The following EYA3 variants were observed in gnomAD, a reference collection of about 807,000 sequenced individuals.
EYA3 encodes the protein protein phosphatase EYA3.
A neutral mutation model predicts 80.0 loss-of-function variants in EYA3; 39 were observed. The ratio of observed to expected loss-of-function variants is 0.49; its 90% confidence interval spans 0.38 to 0.64. The LOEUF (loss-of-function observed/expected upper bound fraction) is 0.64. Ranked by LOEUF, EYA3 falls within the 30% of genes least tolerant of loss-of-function variation. EYA3 has a pLI of 0.00. For synonymous variants in EYA3, 206 were observed against 232.8 expected (o/e 0.88, Z 1.05); for missense variants, 523 against 676.1 (o/e 0.77, Z 2.51).
At chr1:28,061,104 C>T (rs1326843278) in intron 1 of EYA3, among the ~76,000 whole-genome samples, 1 of 152,118 alleles carries the variant, frequency 6.6e-6, no homozygotes, top group Non-Finnish European at 1.5e-5. Context: ...CATTTTAAAA[C>T]AAAAAGCTGC....
At chr1:28,003,514 C>G (rs1418668758) in intron 11 of EYA3, among the ~76,000 whole-genome samples, 4 of 151,334 alleles carry the variant, frequency 2.6e-5, no homozygotes, top group Non-Finnish European at 5.9e-5. Flanking sequence ...CCCACACCTA[C>G]TAACAAAAAC....
At chr1:28,016,484 G>A (rs906873262) in intron 8 of EYA3, among the ~76,000 whole-genome samples, 5 of 147,612 alleles carry the variant, frequency 3.4e-5, no homozygotes, top group South Asian at 4.2e-4. Flanking sequence ...AGCCAAGATC[G>A]CACCACTGTA....
At chr1:28,073,125 ATATT>A (rs1373019881) in intron 1 of EYA3, among the ~76,000 whole-genome samples, 6 of 32,592 alleles carry the variant, frequency 1.8e-4, no homozygotes, top group African/African-American at 4.7e-4. Flanking sequence ...ATATATATAT[ATATT>A]TTTTTTTTTT....
At chr1:28,026,323 G>C (rs768664250) in intron 7 of EYA3, among the ~76,000 whole-genome samples, 2 of 152,166 alleles carry the variant, frequency 1.3e-5, no homozygotes, top group Non-Finnish European at 2.9e-5. Context: ...TATCAACATA[G>C]AGAAATACTA....
chr1:28,061,341 T>C (rs1335604976), intron 1 of EYA3, among the ~76,000 whole-genome samples: 1 of 152,214 alleles, frequency 6.6e-6, no homozygotes, highest in Non-Finnish European at 1.5e-5. Flanking sequence ...TATCAGAACA[T>C]ACTAAATATA....
intron 8 of EYA3, among the ~76,000 whole-genome samples, chr1:28,014,815 T>C (rs529732180): frequency 1.3e-5 from 2 of 152,236 alleles, no homozygotes; most frequent in African/African-American, 2.4e-5. Flanking sequence ...AACTGTACAA[T>C]TTAAATCTGT....
intron 7 of EYA3, 69 bp downstream of exon 7, chr1:28,027,720 T>C: frequency 6.3e-7 from 1 of 1,593,040 alleles, no homozygotes; most frequent in Admixed American, 1.7e-5. Flanking sequence ...TGTTTGGAGA[T>C]ACAGGTAGAT....
chr1:28,014,761 T>C (rs1244574721), intron 8 of EYA3, among the ~76,000 whole-genome samples: 2 of 151,686 alleles, frequency 1.3e-5, no homozygotes, highest in East Asian at 3.9e-4. Flanking sequence ...AATATTGGGA[T>C]AAAACTTTTG....
In EYA3 at chr1:28,005,474, G is replaced by C. The variant is rs114781195; in HGVS notation, c.910-1055C>G. Among the ~76,000 whole-genome samples the C allele has an allele frequency of 3.0e-3, 452 of 152,310 alleles. 6 individuals carry two copies. The highest frequency in any genetic ancestry group is 0.01 in the African/African-American group (426 of 41,548). ...CACACCTGTAAACCTAGCACTGTGA[G>C]AGCCTGAAGCAGGCAGATCGCTTGA... On this transcript the variant is annotated intron_variant, in intron 10 of 17. Coordinates refer to ENST00000373871, the MANE Select transcript of EYA3 (RefSeq NM_001990.4).
intron 2 of EYA3, among the ~76,000 whole-genome samples, chr1:28,052,267 T>C (rs958543662): frequency 6.6e-6 from 1 of 152,030 alleles, no homozygotes; most frequent in Non-Finnish European, 1.5e-5. Context: ...GCCTCCCAAA[T>C]TGCTGGGATT....
At chr1:28,020,967 T>C (rs139189550) in intron 7 of EYA3, among the ~76,000 whole-genome samples, 1 of 152,196 alleles carries the variant, frequency 6.6e-6, no homozygotes, top group Non-Finnish European at 1.5e-5. Context: ...CCCCACTAGA[T>C]GTCCGCTTAA....
At position 28,017,227 on chromosome 1, in the gene EYA3, T is replaced by C. The variant is rs928428051; in HGVS notation, c.512A>G (p.Asn171Ser). The change falls in exon 8 of 18, where the codon AAT (asparagine) becomes AGT (serine). Residue 171 changes from asparagine to serine, a missense_variant. Asn to Ser is a conservative substitution (Grantham distance 46). Around this residue, in one of 2 missense-constraint regions of EYA3, gnomAD observed 304 missense variants for 343.3 expected, o/e 0.89. Coordinates refer to ENST00000373871, the MANE Select transcript of EYA3 (RefSeq NM_001990.4). The stretch of plus-strand genomic sequence containing the variant: ...AGAAGAAGTAGATATCAGGCTGGCA[T>C]TTGTGCTTGAAGCTAGAGGATTGAT... ...YSYPIQASSTNASLISTSSTI... is the reference protein window; with the variant it reads ...YSYPIQASSTSASLISTSSTI... 3 of 1,613,572 alleles carry C rather than the reference T, an allele frequency of 1.9e-6. No homozygotes were observed. Among genetic ancestry groups the C allele is most frequent in the Admixed American group, 3.3e-5 (2 of 59,976 alleles).
rs374480630 is a variant in EYA3, at chr1:27,996,030, G to A, written c.1142+1290C>T. ...TGGGACTACAGGCGCATGCCACCACGCCTGGCTAATTTTTGTATTTTTAGT... is the reference window on the plus strand; with the variant it reads ...TGGGACTACAGGCGCATGCCACCACACCTGGCTAATTTTTGTATTTTTAGT... On this transcript the variant is annotated intron_variant, in intron 13 of 17. Coordinates refer to ENST00000373871, the MANE Select transcript of EYA3 (RefSeq NM_001990.4). Among the ~76,000 whole-genome samples, 4 of 151,942 alleles carry A rather than the reference G, an allele frequency of 2.6e-5. No homozygotes were observed. The East Asian group carries it at 5.8e-4, about 22-fold the overall frequency.
At chr1:28,010,909 A>G (rs1433133529) in intron 10 of EYA3, 38 bp downstream of exon 10, 3 of 1,591,250 alleles carry the variant, frequency 1.9e-6, no homozygotes, top group Middle Eastern at 1.9e-4. Flanking sequence ...GAAGTGAGAA[A>G]GAACAAAGTA....
At chr1:28,064,431 C>CACA in intron 1 of EYA3, among the ~76,000 whole-genome samples, 1 of 127,610 alleles carries the variant, frequency 7.8e-6, no homozygotes, top group Non-Finnish European at 1.6e-5. Flanking sequence ...GACTCTGCCT[C>CACA]AAAAAAAAAA....
At chr1:28,038,459 A>T (rs1289395822) in intron 5 of EYA3, among the ~76,000 whole-genome samples, 1 of 150,692 alleles carries the variant, frequency 6.6e-6, no homozygotes, top group South Asian at 2.1e-4. Flanking sequence ...AAAAAAAAAA[A>T]AAAAACCGAA....
At chr1:28,075,078 T>G (rs773539961) in intron 1 of EYA3, among the ~76,000 whole-genome samples, 1 of 152,202 alleles carries the variant, frequency 6.6e-6, no homozygotes, top group African/African-American at 2.4e-5. Context: ...CCTTTCACAT[T>G]CAGCCAAGCA....
At chr1:28,086,269 A>G (rs1346247242) in intron 1 of EYA3, among the ~76,000 whole-genome samples, 3 of 151,620 alleles carry the variant, frequency 2.0e-5, no homozygotes, top group African/African-American at 4.9e-5. Context: ...TGTGGAGCGC[A>G]GTGATGTGAT....
At chr1:28,006,616 G>A (rs955722597) in intron 10 of EYA3, among the ~76,000 whole-genome samples, 1 of 152,126 alleles carries the variant, frequency 6.6e-6, no homozygotes, top group African/African-American at 2.4e-5. Flanking sequence ...CGAGGCAGGA[G>A]AATCGCTTGA....
Sources: allele counts gnomAD v4.1 joint callset (sites outside exome capture counted in the v4.1 genomes callset), GRCh38; gene constraint gnomAD v4.1.1; regional missense constraint gnomAD v4.1.1; transcripts MANE v1.5; gene names NCBI Gene and HGNC (gene_info 2026-07-23, HGNC 2026-07-21).